COL5A3: variants seen among roughly 807,000 people sequenced by gnomAD.
COL5A3 encodes collagen alpha-3(V) chain.
Under a neutral mutation model 250.0 loss-of-function variants are expected in COL5A3, and 172 were observed. That is an observed-to-expected ratio of 0.69 (90% CI 0.61 to 0.78). The LOEUF is 0.78. Among genes scored for constraint, COL5A3 ranks in the 30% least tolerant of loss-of-function variants. COL5A3 has a pLI of 0.00. For missense variants in COL5A3, 2,340 were observed against 2,334.4 expected (o/e 1.00, Z -0.05); for synonymous variants, 937 against 900.4 (o/e 1.04, Z -0.73).
At position 9,993,651 on chromosome 19, in the gene COL5A3, G is replaced by T; in HGVS notation, c.1663C>A (p.Leu555Ile). The part of the protein sequence containing the change: ...GPKGDRGFDG[L>I]PGLPGEKGQR... ...CCCTTCTCACCAGGCAGCCCAGGGA[G>T]GCCATCGAAGCCACGATCACCCTGT... Residue 555 changes from leucine to isoleucine, a missense_variant, in exon 18 of 67, where the codon CTC (leucine) becomes ATC (isoleucine). Leu to Ile is a conservative substitution (Grantham distance 5). This residue lies in a region of COL5A3 where 1,152 missense variants were observed against 1,146.3 expected (regional missense o/e 1.00). Coordinates refer to ENST00000264828, the MANE Select transcript of COL5A3 (RefSeq NM_015719.4). 15 of 1,614,108 alleles carry T rather than the reference G, an allele frequency of 9.3e-6. No individual in the cohort carries two copies. The highest frequency in any genetic ancestry group is 1.3e-5 in the Non-Finnish European group (15 of 1,180,026).
At chr19:10,006,611 T>A (rs1250504199) in intron 1 of COL5A3, among the ~76,000 whole-genome samples, 1 of 152,072 alleles carries the variant, frequency 6.6e-6, no homozygotes, top group Admixed American at 6.5e-5. Context: ...TGGAGCCCCC[T>A]TGCCAGGGGA....
At chr19:9,962,688 G>A (rs1171275559) in intron 65 of COL5A3, 131 bp downstream of exon 65, 3 of 646,632 alleles carry the variant, frequency 4.6e-6, no homozygotes, top group Non-Finnish European at 8.1e-6. Context: ...CCCACCTCCA[G>A]CTTGCGATCC....
chr19:9,962,248 A>G (rs1281838607), intron 65 of COL5A3, among the ~76,000 whole-genome samples: 2 of 152,008 alleles, frequency 1.3e-5, no homozygotes, highest in African/African-American at 4.8e-5. Flanking sequence ...CTGGGATTAC[A>G]GGCACACATC....
chr19:9,995,731 C>A (rs2087259546), intron 15 of COL5A3, 114 bp from the exon 16 acceptor site: 5 of 771,360 alleles, frequency 6.5e-6, no homozygotes, highest in Non-Finnish European at 1.0e-5. Flanking sequence ...AGGCCAGACA[C>A]CTGGGCTCAA....
At chr19:9,986,945 G>T (rs1346180163) in intron 27 of COL5A3, among the ~76,000 whole-genome samples, 187 bp from the exon 28 acceptor site, 1 of 152,120 alleles carries the variant, frequency 6.6e-6, no homozygotes, top group African/African-American at 2.4e-5. Flanking sequence ...GCCTCTCAAG[G>T]TCATCTGTGC....
At position 10,001,750 on chromosome 19, in the gene COL5A3, CT is replaced by C. The variant is rs768472621; in HGVS notation, c.963+17del. ...CCCCGTAACCCTTGGGGTCTCCCCTCTTCCATCCCCATCCAACCTCTAGGAT... is the reference window on the plus strand; with the variant it reads ...CCCCGTAACCCTTGGGGTCTCCCCTCTCCATCCCCATCCAACCTCTAGGAT... On this transcript the variant is annotated intron_variant, in intron 7 of 66. Transcript: ENST00000264828. 8 of 1,613,418 alleles carry C rather than the reference CT, an allele frequency of 5.0e-6. No homozygotes were observed. The African/African-American group carries it at 1.1e-4, about 22-fold the overall frequency.
At position 9,982,514 on chromosome 19, in the gene COL5A3, G is replaced by A. The variant is rs139775377; in HGVS notation, c.2407-396C>T. On this transcript the variant is annotated intron_variant, in intron 31 of 66. Transcript: ENST00000264828. Reference sequence around the variant, plus strand: ...ATTTTGTTTTCCCAAGAACACTTGCGTTGAAATGACCCTTATTGACTTATT... The same window carrying A: ...ATTTTGTTTTCCCAAGAACACTTGCATTGAAATGACCCTTATTGACTTATT... 1.9e-3 allele frequency among the ~76,000 whole-genome samples: 294 copies of A among 152,258 alleles called. 3 individuals are homozygous for A. The highest frequency in any genetic ancestry group is 6.8e-3 in the African/African-American group (282 of 41,538).
chr19:10,008,787 G>T (rs970995157), intron 1 of COL5A3, among the ~76,000 whole-genome samples: 1 of 152,192 alleles, frequency 6.6e-6, no homozygotes, highest in Non-Finnish European at 1.5e-5. Flanking sequence ...GAGCTTGCAG[G>T]TGTGTCTGTG....
chr19:10,003,494 C>T, intron 6 of COL5A3, 71 bp downstream of exon 6: 1 of 1,486,026 alleles, frequency 6.7e-7, no homozygotes, highest in Non-Finnish European at 9.3e-7. Flanking sequence ...AGCACCAAGA[C>T]CAGAAGTCAG....
At chr19:9,974,534 G>C (rs934222494) in intron 45 of COL5A3, 126 bp from the exon 46 acceptor site, 2 of 649,694 alleles carry the variant, frequency 3.1e-6, no homozygotes, top group Non-Finnish European at 5.0e-6. Flanking sequence ...GAGAGGGTCA[G>C]TGTTGAGTTG....
intron 4 of COL5A3, among the ~76,000 whole-genome samples, chr19:10,004,753 C>T (rs972826092): frequency 6.6e-6 from 1 of 152,162 alleles, no homozygotes; most frequent in South Asian, 2.1e-4. Flanking sequence ...ATCACGGTCA[C>T]ACACAGCTAA....
In COL5A3 at chr19:10,001,658, G is replaced by C; in HGVS notation, c.976C>G (p.Pro326Ala). ...NATILERSLD[P>A]DSGTELGTLE... ...GTCCCCAGCTCGGTTCCACTGTCAGGGTCCAAGCTCCTCTGAGAACGTTAG... is the reference window on the plus strand; with the variant it reads ...GTCCCCAGCTCGGTTCCACTGTCAGCGTCCAAGCTCCTCTGAGAACGTTAG... The change falls in exon 8 of 67, where the codon CCT becomes GCT. Residue 326 changes from proline (P) to alanine (A), a missense_variant. Transcript: ENST00000264828. 2 of 1,613,880 alleles carry C rather than the reference G, an allele frequency of 1.2e-6. No homozygotes were observed. Among genetic ancestry groups the C allele is most frequent in the Non-Finnish European group, 8.5e-7 (1 of 1,179,972 alleles).
intron 45 of COL5A3, among the ~76,000 whole-genome samples, chr19:9,975,915 C>T (rs573123882): frequency 6.6e-6 from 1 of 151,260 alleles, no homozygotes; most frequent in African/African-American, 2.4e-5. Flanking sequence ...GGGCCAGATT[C>T]TGGGGTTGAG....
At chr19:9,974,465 T>G in intron 45 of COL5A3, 57 bp from the exon 46 acceptor site, 1 of 1,348,432 alleles carries the variant, frequency 7.4e-7, no homozygotes. Flanking sequence ...TAGGGCAGAG[T>G]GAGGCTCAAG....
At position 9,969,599 on chromosome 19, in the gene COL5A3, A is replaced by C; in HGVS notation, c.4074T>G (p.Gly1358=). 3 of 1,608,238 alleles carry C rather than the reference A, an allele frequency of 1.9e-6. No homozygotes were observed. Among genetic ancestry groups the C allele is most frequent in the Non-Finnish European group, 2.5e-6 (3 of 1,178,394 alleles). ...RGPPGRVGPE[G]LRGIPGPVGE... ...CCACAGGGCCAGGGATCCCTCGAAGACCCTCAGGCCCCACACGTCCAGGGG... is the reference window on the plus strand; with the variant it reads ...CCACAGGGCCAGGGATCCCTCGAAGCCCCTCAGGCCCCACACGTCCAGGGG... Residue 1358 remains glycine (G), a synonymous_variant, in exon 56 of 67, where the codon GGT becomes GGG. Coordinates refer to ENST00000264828, the MANE Select transcript of COL5A3 (RefSeq NM_015719.4).
chr19:9,984,803 A>C lies in COL5A3; in HGVS notation c.2406+1039T>G, dbSNP rs149260164. Among the ~76,000 whole-genome samples the C allele has an allele frequency of 4.2e-3, 638 of 152,048 alleles. 3 individuals are homozygous for C. Among genetic ancestry groups the C allele is most frequent in the African/African-American group, 0.015 (627 of 41,478 alleles). ...ATGTCAAAGCTCACTTTTTAAAAAA[A>C]TTTTTGAGACAGAGTCCCCCTCTGT... On this transcript the variant is annotated intron_variant, in intron 31 of 66. Transcript: ENST00000264828.
Position 9,981,069 on chromosome 19 carries a change from G to C in COL5A3, c.2505+19C>G. The C allele has an allele frequency of 6.2e-7, 1 of 1,611,996 alleles. No individual in the cohort carries two copies. ...TCCCCAAGTCCCAGCAGGGTAGGGG[G>C]CACTGTCTATTTTCTTACTGGTGGT... On this transcript the variant is annotated intron_variant, in intron 33 of 66. Coordinates refer to ENST00000264828, the MANE Select transcript of COL5A3 (RefSeq NM_015719.4).
At chr19:9,973,058 C>A in intron 50 of COL5A3, 32 bp from the exon 51 acceptor site, 1 of 1,553,526 alleles carries the variant, frequency 6.4e-7, no homozygotes, top group South Asian at 1.2e-5. Context: ...GTCAGAGTGG[C>A]CTGGACTCTC....
intron 52 of COL5A3, 49 bp downstream of exon 52, chr19:9,971,156 G>T: frequency 6.8e-7 from 1 of 1,475,862 alleles, no homozygotes; most frequent in Non-Finnish European, 9.1e-7. Context: ...TAGGGAGATG[G>T]GGACAGAATT....
Sources: allele counts gnomAD v4.1 joint callset (sites outside exome capture counted in the v4.1 genomes callset), GRCh38; gene constraint gnomAD v4.1.1; regional missense constraint gnomAD v4.1.1; transcripts MANE v1.5; gene names NCBI Gene and HGNC (gene_info 2026-07-23, HGNC 2026-07-21).